The following TENM1 variants were observed in gnomAD, a reference collection of about 807,000 sequenced individuals.
TENM1 encodes the protein teneurin-1.
Under a neutral mutation model 174.8 loss-of-function variants are expected in TENM1, and 35 were observed. The observed-to-expected ratio is 0.20, with a 90% confidence interval of 0.15 to 0.27. The LOEUF (loss-of-function observed/expected upper bound fraction) is 0.27, where lower values mean the gene tolerates loss of function less well. Ranked by LOEUF, TENM1 falls within the 10% of genes least tolerant of loss-of-function variation. The pLI, the probability that TENM1 is intolerant of heterozygous loss-of-function variation, is 1.00. For missense variants in TENM1, 1,633 were observed against 2,130.1 expected, an observed-to-expected ratio of 0.77 and a Z score of 4.59; for synonymous variants, 781 against 798.7, an observed-to-expected ratio of 0.98 and a Z score of 0.37.
chrX:124,397,611 T>C (rs931137445), intron 27 of TENM1, among the ~76,000 whole-genome samples: 9 of 111,116 alleles, frequency 8.1e-5, no homozygotes, highest in Non-Finnish European at 1.5e-4. Flanking sequence ...TTTGTTTTTG[T>C]TTTTGAGACA....
chrX:125,171,123 G>A, the TENM1 span, among the ~76,000 whole-genome samples: 1 of 110,397 alleles, frequency 9.1e-6, no homozygotes, highest in African/African-American at 3.3e-5. Context: ...CTGTGAAGCA[G>A]TCAGGGCAAA....
the TENM1 span, among the ~76,000 whole-genome samples, chrX:125,147,725 C>T: frequency 8.1e-5 from 9 of 111,438 alleles, no homozygotes; most frequent in African/African-American, 2.9e-4. Context: ...ATTCATAATC[C>T]TGCATCCATC....
chrX:124,966,561 C>T (rs2058728942), upstream of TENM1, among the ~76,000 whole-genome samples: 1 of 106,753 alleles, frequency 9.4e-6, no homozygotes, highest in Non-Finnish European at 1.9e-5. Context: ...ACTCGGGAGG[C>T]TGAGGCAGGA....
rs554747100 is a variant in TENM1, at chrX:124,690,217, T to C, written c.1015+14796A>G. Among the ~76,000 whole-genome samples the C allele has an allele frequency of 2.7e-5, 3 of 111,581 alleles. No individual in the cohort carries two copies. In the South Asian group the frequency reaches 1.1e-3, roughly 42 times the overall value. ...GGGAATCCCTTCAAGTTGGCTCCTG[T>C]GTCATTTTGGCATGCCTGAACACTT... On this transcript the variant is annotated intron_variant, in intron 5 of 31. Transcript: ENST00000422452.
the TENM1 span, among the ~76,000 whole-genome samples, chrX:125,101,756 G>A: frequency 3.6e-5 from 4 of 111,985 alleles, no homozygotes; most frequent in African/African-American, 1.3e-4. Context: ...GAGCAGCAAA[G>A]GCTTTTTATT....
chrX:124,561,643 T>C, intron 14 of TENM1, 28 bp downstream of exon 17: 1 of 1,209,263 alleles, frequency 8.3e-7, no homozygotes. Flanking sequence ...TATTCCTTTC[T>C]TACGTGAACA....
intron 18 of TENM1, among the ~76,000 whole-genome samples, chrX:124,512,787 C>T (rs1426493921): frequency 1.8e-5 from 2 of 111,646 alleles, no homozygotes; most frequent in Non-Finnish European, 3.8e-5. Context: ...TATACCAATT[C>T]CCTACAGCCG....
the TENM1 span, among the ~76,000 whole-genome samples, chrX:125,195,775 C>T: frequency 1.8e-5 from 2 of 109,799 alleles, no homozygotes; most frequent in African/African-American, 3.3e-5. Context: ...AAAGAAGGTA[C>T]GAACTGAAAA....
intron 3 of TENM1, among the ~76,000 whole-genome samples, chrX:124,847,904 G>C (rs904618249): frequency 9.0e-6 from 1 of 110,902 alleles, no homozygotes; most frequent in Non-Finnish European, 1.9e-5. Context: ...GTATTTCTTT[G>C]GCAGGGGTAT....
At chrX:124,430,415 C>T (rs927946211) in intron 23 of TENM1, among the ~76,000 whole-genome samples, 5 of 112,116 alleles carry the variant, frequency 4.5e-5, no homozygotes, top group African/African-American at 6.5e-5. Flanking sequence ...GACCTTGGCA[C>T]GAATCAGTTA....
At position 124,494,759 on chromosome X, in the gene TENM1, G is replaced by A. The variant is rs1283064915; in HGVS notation, c.3695+2257C>T. Among the ~76,000 whole-genome samples the A allele has an allele frequency of 6.5e-5, 7 of 108,218 alleles. No homozygotes were observed. In the East Asian group the frequency reaches 1.5e-3, roughly 23 times the overall value. 94.0% of individuals were successfully genotyped at this position (108,218 alleles called of 115,157 possible). A position where few individuals can be genotyped will look rare whatever the true frequency, so the allele number is the denominator to read the frequency against. ...TTCCCACCTATGAGTGAGAATATGC[G>A]GTGTTTGGTTTTCTGCTCTTGCGAT... On this transcript the variant is annotated intron_variant, in intron 20 of 31. Coordinates refer to ENST00000422452, the Ensembl canonical transcript of TENM1.
chrX:125,081,640 C>T, the TENM1 span, among the ~76,000 whole-genome samples: 1 of 111,212 alleles, frequency 9.0e-6, no homozygotes, highest in Non-Finnish European at 1.9e-5. Flanking sequence ...TTGGAGCCAG[C>T]AATCCCACTA....
At chrX:124,858,480 C>A (rs1246638319) in intron 3 of TENM1, among the ~76,000 whole-genome samples, 1 of 111,688 alleles carries the variant, frequency 9.0e-6, no homozygotes, top group Non-Finnish European at 1.9e-5. Context: ...CCAATCAAAG[C>A]CATGGTGATT....
At position 124,398,072 on chromosome X, in the gene TENM1, C is replaced by G. The variant is rs891328676; in HGVS notation, c.5392-5724G>C. On this transcript the variant is annotated intron_variant, in intron 27 of 31. Transcript: ENST00000422452. The stretch of plus-strand genomic sequence containing the variant: ...TGAAACCCCATCTCTATTAAAAATA[C>G]AAAAAATTAGCCGGGCGTGGTGGCA... Among the ~76,000 whole-genome samples, 3 of 108,415 alleles carry G rather than the reference C, an allele frequency of 2.8e-5. No individual in the cohort carries two copies. The South Asian group carries it at 1.2e-3, about 45-fold the overall frequency. The allele number at this position is 108,415 out of a possible 115,157, so 94.1% of individuals were successfully genotyped here.
intron 6 of TENM1, among the ~76,000 whole-genome samples, chrX:124,665,817 C>G (rs1196404225): frequency 1.8e-5 from 2 of 112,158 alleles, no homozygotes; most frequent in Admixed American, 9.5e-5. Context: ...GCCCCCTTCC[C>G]TCGCCATATC....
At chrX:125,002,148 C>T in the TENM1 span, among the ~76,000 whole-genome samples, 1 of 111,592 alleles carries the variant, frequency 9.0e-6, no homozygotes. Context: ...GCTACATTCT[C>T]AGCACCTAGT....
chrX:124,999,609 T>G, the TENM1 span, among the ~76,000 whole-genome samples: 3 of 111,126 alleles, frequency 2.7e-5, no homozygotes, highest in African/African-American at 9.8e-5. Flanking sequence ...GATAGTATGA[T>G]GGACTCAGAT....
At chrX:124,534,352 C>T (rs189384702) in intron 15 of TENM1, among the ~76,000 whole-genome samples, 14 of 111,810 alleles carry the variant, frequency 1.3e-4, no homozygotes, top group Non-Finnish European at 2.1e-4. Context: ...AGCCTTCAAT[C>T]AACTCTTGGT....
intron 3 of TENM1, among the ~76,000 whole-genome samples, chrX:124,867,280 G>T (rs949292056): frequency 8.9e-6 from 1 of 111,812 alleles, no homozygotes; most frequent in African/African-American, 3.2e-5. Flanking sequence ...ATATTATAAA[G>T]ATCATTCATC....
Sources: allele counts gnomAD v4.1 joint callset (sites outside exome capture counted in the v4.1 genomes callset), GRCh38; gene constraint gnomAD v4.1.1; transcripts MANE v1.5; gene names NCBI Gene and HGNC (gene_info 2026-07-23, HGNC 2026-07-21).